DTNB: variants seen among roughly 807,000 people sequenced by gnomAD.
DTNB encodes DTN-B.
In DTNB, 63 loss-of-function variants were observed where a neutral mutation model predicts 90.7. The ratio of observed to expected loss-of-function variants is 0.69; its 90% CI spans 0.57 to 0.86. The LOEUF is 0.86. DTNB is among the 40% of genes least tolerant of loss of function. The pLI, the probability that DTNB is intolerant of heterozygous loss-of-function variation, is 0.00. For synonymous variants in DTNB, 277 were observed against 286.7 expected (o/e 0.97, Z 0.34); for missense variants, 744 against 807.1 (o/e 0.92, Z 0.95).
At chr2:25,625,357 CT>C (rs36095521) in intron 4 of DTNB, among the ~76,000 whole-genome samples, 2 of 152,120 alleles carry the variant, frequency 1.3e-5, no homozygotes, top group African/African-American at 4.8e-5. Flanking sequence ...CAGATTCTTT[CT>C]TTTTTTCCAA....
chr2:25,500,792 G>A (rs910533071), intron 9 of DTNB, among the ~76,000 whole-genome samples: 2 of 152,106 alleles, frequency 1.3e-5, no homozygotes, highest in Admixed American at 1.3e-4. Flanking sequence ...GTATAGCTAG[G>A]ACCAAAACAA....
intron 9 of DTNB, among the ~76,000 whole-genome samples, chr2:25,503,053 CAAAAAAAAAAAAAAAAAAAAA>C (rs58871909): frequency 1.4e-3 from 21 of 15,332 alleles, no homozygotes; most frequent in South Asian, 3.5e-3. Flanking sequence ...GACCCTATCT[CAAAAAAAAAAAAAAAAAAAAA>C]AAAAAAAAAA....
rs770373119 is a variant in DTNB at position 25,480,220 on chromosome 2, C to A, written c.1079+2576G>T. On this transcript the variant is annotated intron_variant, in intron 10 of 20. Transcript: ENST00000406818. ...TAGGAGCATTTTGTTCCTATGGAGC[C>A]GCTACTCAAGTAATTGTGCTTCTTA... Among the ~76,000 whole-genome samples the A allele has an allele frequency of 2.6e-5, 4 of 152,096 alleles. No homozygotes were observed. In the East Asian group the frequency reaches 5.8e-4, roughly 22 times the overall value.
At chr2:25,499,305 A>C (rs1029424342) in intron 9 of DTNB, among the ~76,000 whole-genome samples, 3 of 152,208 alleles carry the variant, frequency 2.0e-5, no homozygotes, top group Admixed American at 2.0e-4. Context: ...TAAGTGGATT[A>C]TGTGACCTGC....
At chr2:25,540,946 T>C (rs983912067) in intron 8 of DTNB, among the ~76,000 whole-genome samples, 8 of 151,856 alleles carry the variant, frequency 5.3e-5, no homozygotes, top group African/African-American at 1.9e-4. Flanking sequence ...CCAGAGACCT[T>C]TGTTCACTTG....
chr2:25,547,563 A>C (rs1405565083), intron 8 of DTNB, among the ~76,000 whole-genome samples: 1 of 152,020 alleles, frequency 6.6e-6, no homozygotes, highest in Non-Finnish European at 1.5e-5. Context: ...ACGTCAGCTG[A>C]TCCACCCGCC....
At chr2:25,506,109 G>C (rs1041599697) in intron 9 of DTNB, among the ~76,000 whole-genome samples, 1 of 152,156 alleles carries the variant, frequency 6.6e-6, no homozygotes, top group African/African-American at 2.4e-5. Flanking sequence ...GTAGAGAGTA[G>C]AATGATGGTC....
chr2:25,486,047 G>A (rs1201263827), intron 9 of DTNB, among the ~76,000 whole-genome samples: 3 of 151,638 alleles, frequency 2.0e-5, no homozygotes, highest in African/African-American at 4.8e-5. Flanking sequence ...GCTTGAACCC[G>A]GGAGGCGGAG....
At chr2:25,422,555 A>G (rs2050125539) in intron 15 of DTNB, among the ~76,000 whole-genome samples, 1 of 151,336 alleles carries the variant, frequency 6.6e-6, no homozygotes, top group Admixed American at 6.6e-5. Context: ...ATAGGCATGC[A>G]CCACCACATC....
chr2:25,639,867 C>G (rs1020572346), intron 2 of DTNB, among the ~76,000 whole-genome samples: 11 of 152,300 alleles, frequency 7.2e-5, no homozygotes, highest in Non-Finnish European at 1.6e-4. Flanking sequence ...GTGAGAAAGC[C>G]CAGACTGATG....
chr2:25,671,505 C>T (rs2085898943), intron 1 of DTNB, among the ~76,000 whole-genome samples: 1 of 152,202 alleles, frequency 6.6e-6, no homozygotes, highest in South Asian at 2.1e-4. Context: ...TTTACTTCTT[C>T]AAGGCTTCCT....
intron 1 of DTNB, among the ~76,000 whole-genome samples, chr2:25,656,910 A>G (rs1469762458): frequency 6.6e-6 from 1 of 152,232 alleles, no homozygotes; most frequent in Non-Finnish European, 1.5e-5. Flanking sequence ...GCAGTGGCTC[A>G]CGCCTGTAAT....
intron 8 of DTNB, among the ~76,000 whole-genome samples, chr2:25,559,207 C>T (rs1041276635): frequency 6.6e-6 from 1 of 152,184 alleles, no homozygotes; most frequent in Non-Finnish European, 1.5e-5. Context: ...CAATCCTCAA[C>T]TCTCAAAACC....
intron 9 of DTNB, among the ~76,000 whole-genome samples, chr2:25,526,347 TTATAAATATA>T (rs1361518823): frequency 9.0e-6 from 1 of 111,216 alleles, no homozygotes; most frequent in African/African-American, 3.9e-5. Context: ...ACAATAGCAC[TTATAAATATA>T]TATAAATATA....
At chr2:25,395,202 G>T (rs965528810) in intron 16 of DTNB, among the ~76,000 whole-genome samples, 1 of 152,138 alleles carries the variant, frequency 6.6e-6, no homozygotes, top group Non-Finnish European at 1.5e-5. Flanking sequence ...GCCTAAGAAT[G>T]ATATATTGGA....
chr2:25,511,071 GT>G (rs1367694393), intron 9 of DTNB, among the ~76,000 whole-genome samples: 6 of 152,220 alleles, frequency 3.9e-5, no homozygotes, highest in Admixed American at 3.3e-4. Flanking sequence ...AAATGTTTAT[GT>G]TTCCTACCTG....
intron 2 of DTNB, among the ~76,000 whole-genome samples, chr2:25,645,915 G>T (rs1399037152): frequency 6.6e-6 from 1 of 152,090 alleles, no homozygotes; most frequent in Non-Finnish European, 1.5e-5. Context: ...CCAAGTAGAG[G>T]GAAACAATGG....
intron 10 of DTNB, among the ~76,000 whole-genome samples, chr2:25,476,483 T>C (rs747388696): frequency 7.2e-5 from 11 of 152,314 alleles, no homozygotes; most frequent in Middle Eastern, 3.4e-3. Context: ...AAAACCTCTG[T>C]AATGGATTCA....
intron 15 of DTNB, among the ~76,000 whole-genome samples, chr2:25,421,402 C>T (rs2049646799): frequency 1.3e-5 from 2 of 152,184 alleles, no homozygotes; most frequent in Admixed American, 1.3e-4. Context: ...GGAGCCTAGG[C>T]ACAGAGCGCT....
Sources: gnomAD v4.1 joint callset for allele counts (sites outside exome capture counted in the v4.1 genomes callset) on GRCh38, gnomAD v4.1.1 for gene constraint, MANE v1.5 for transcripts, NCBI Gene and HGNC (gene_info 2026-07-23, HGNC 2026-07-21) for gene names.